Variants in RILPL1 observed in about 807,000 individuals in gnomAD.
RILPL1 encodes RILP-like protein 1.
Under a neutral mutation model 50.3 loss-of-function variants are expected in RILPL1, and 33 were observed. That is an observed-to-expected ratio of 0.66 (90% CI 0.50 to 0.88). RILPL1 has a LOEUF of 0.88. Ranked by LOEUF, RILPL1 falls within the 40% of genes least tolerant of loss-of-function variation. The probability of loss-of-function intolerance (pLI) is 0.00; values close to 1 mark genes in which losing one functional copy is unlikely to be tolerated. For missense variants in RILPL1, 418 were observed against 542.5 expected, an observed-to-expected ratio of 0.77 and a Z score of 2.28; for synonymous variants, 205 against 228.6, an observed-to-expected ratio of 0.90 and a Z score of 0.93.
chr12:123,512,631 G>A (rs1412613186), intron 2 of RILPL1, among the ~76,000 whole-genome samples: 20 of 145,986 alleles, frequency 1.4e-4, no homozygotes, highest in African/African-American at 3.6e-4. Flanking sequence ...TCTGTGTGTC[G>A]TGTGTGAGGT....
intron 6 of RILPL1, among the ~76,000 whole-genome samples, chr12:123,480,158 C>CTTT (rs957649286): frequency 5.1e-5 from 6 of 117,026 alleles, no homozygotes; most frequent in Admixed American, 8.8e-5. Context: ...AAGGCTGATT[C>CTTT]TTTTTTTTTT....
rs1883162027 is a variant in RILPL1 at position 123,498,337 on chromosome 12, TCC to T, written c.801+205_801+206del. Among the ~76,000 whole-genome samples, 1 of 116,200 alleles carries T rather than the reference TCC, an allele frequency of 8.6e-6. No individual in the cohort carries two copies. The highest frequency in any genetic ancestry group is 4.2e-5 in the African/African-American group (1 of 24,008). The allele number at this position is 116,200 out of a possible 152,430, so 76.2% of individuals were successfully genotyped here. On this transcript the variant is annotated intron_variant, in intron 4 of 6. Coordinates refer to ENST00000376874, the MANE Select transcript of RILPL1 (RefSeq NM_178314.5). The surrounding 1 kb of genome is among the most constrained non-coding windows in gnomAD (Gnocchi z 4.3). The stretch of plus-strand genomic sequence containing the variant: ...CTCAAGTGATCCTCCTGCCTAAGCC[TCC>T]CAGGCAGGCAGCTGGTACTACAGGT...
Position 123,498,197 on chromosome 12 carries a change from C to T in RILPL1, c.801+347G>A, listed in dbSNP as rs1883150740. On this transcript the variant is annotated intron_variant, in intron 4 of 6. Coordinates refer to ENST00000376874, the MANE Select transcript of RILPL1 (RefSeq NM_178314.5). The surrounding 1 kb of genome is among the most constrained non-coding windows in gnomAD (Gnocchi z 4.3). The stretch of plus-strand genomic sequence containing the variant: ...GGCCAGTAGCTTGTTCTCTCTGAGC[C>T]TCTCGTTTTTTCTCTCTCTCTCTCT... Among the ~76,000 whole-genome samples, 1 of 151,822 alleles carries T rather than the reference C, an allele frequency of 6.6e-6. No homozygotes were observed. Among genetic ancestry groups the T allele is most frequent in the Admixed American group, 6.6e-5 (1 of 15,196 alleles).
chr12:123,522,441 C>T lies in RILPL1; in HGVS notation c.460+1054G>A, dbSNP rs970971289. Reference sequence around the variant, plus strand: ...GCCATTCAGGTCTGGGATGCCATCCCGGGCTGCTCACTGGTAAGCGTTTGC... The same window carrying T: ...GCCATTCAGGTCTGGGATGCCATCCTGGGCTGCTCACTGGTAAGCGTTTGC... On this transcript the variant is annotated intron_variant, in intron 2 of 6. Transcript: ENST00000376874. The surrounding 1 kb of genome is among the most constrained non-coding windows in gnomAD (Gnocchi z 4.0). 1.3e-5 allele frequency among the ~76,000 whole-genome samples: 2 copies of T among 152,174 alleles called. No homozygotes were observed. Among genetic ancestry groups the T allele is most frequent in the East Asian group, 1.9e-4 (1 of 5,198 alleles).
rs1566127573 is a variant in RILPL1, at chr12:123,501,471, A to AAACAAAC, written c.461-1936_461-1935insGTTTGTT. 4.2e-4 allele frequency among the ~76,000 whole-genome samples: 56 copies of AAACAAAC among 133,116 alleles called. 1 individual carries two copies. The highest frequency in any genetic ancestry group is 1.8e-3 in the African/African-American group (56 of 30,688). 87.3% of individuals were successfully genotyped at this position (133,116 alleles called of 152,430 possible). ...ACAAACAAACAAACAAACAAACAAA[A>AAACAAAC]AACCTCAGGCTGGGTGCCGGTGGCT... On this transcript the variant is annotated intron_variant, in intron 2 of 6. Coordinates refer to ENST00000376874, the MANE Select transcript of RILPL1 (RefSeq NM_178314.5).
chr12:123,488,464 G>A (rs958510289), intron 4 of RILPL1, among the ~76,000 whole-genome samples: 1 of 141,844 alleles, frequency 7.1e-6, no homozygotes, highest in Non-Finnish European at 1.5e-5. Context: ...AAAAAAAAAA[G>A]AAGAAGAAGA....
chr12:123,498,226 T>TC lies in RILPL1; in HGVS notation c.801+317_801+318insG, dbSNP rs200486047. On this transcript the variant is annotated intron_variant, in intron 4 of 6. Coordinates refer to ENST00000376874, the MANE Select transcript of RILPL1 (RefSeq NM_178314.5). This position sits in a 1 kb window ranked among gnomAD's most constrained non-coding sequence, Gnocchi z 4.3. ...CGTTTTTTCTCTCTCTCTCTCTCTC[T>TC]TTTTTTTTTAGACAGGTCTGGCTCT... is the stretch of plus-strand genomic sequence containing the variant. 1.4e-5 allele frequency among the ~76,000 whole-genome samples: 2 copies of TC among 147,880 alleles called. No homozygotes were observed. The highest frequency in any genetic ancestry group is 3.0e-5 in the Non-Finnish European group (2 of 66,624).
intron 4 of RILPL1, among the ~76,000 whole-genome samples, chr12:123,492,381 G>A (rs11497310): frequency 0.13 from 19,514 of 152,160 alleles, 1,500 homozygotes; most frequent in Non-Finnish European, 0.17. Context: ...TCCCGAACAG[G>A]TAAATACACA....
At chr12:123,482,352 C>G (rs1882053237) in intron 6 of RILPL1, among the ~76,000 whole-genome samples, 1 of 152,172 alleles carries the variant, frequency 6.6e-6, no homozygotes, top group African/African-American at 2.4e-5. Flanking sequence ...CCCAGTGCAT[C>G]AGGGACCTGG....
intron 2 of RILPL1, among the ~76,000 whole-genome samples, chr12:123,518,950 G>A (rs1235690802): frequency 1.3e-5 from 2 of 151,046 alleles, no homozygotes; most frequent in Admixed American, 6.6e-5. Flanking sequence ...CAGGCTACTC[G>A]GGAGGCTGAG....
chr12:123,531,987 CG>C (rs1329108954), intron 1 of RILPL1, among the ~76,000 whole-genome samples: 1 of 152,178 alleles, frequency 6.6e-6, no homozygotes, highest in Non-Finnish European at 1.5e-5. Context: ...CCCATGAGGA[CG>C]AGCACAGTCA....
At chr12:123,517,421 ATTGT>A (rs1303147241) in intron 2 of RILPL1, among the ~76,000 whole-genome samples, 2 of 123,886 alleles carry the variant, frequency 1.6e-5, no homozygotes, top group African/African-American at 3.2e-5. Context: ...TTTTGTTGTT[ATTGT>A]TTTTTTTTTT....
chr12:123,525,400 T>TTTA (rs71088926), intron 1 of RILPL1, among the ~76,000 whole-genome samples: 99 of 149,436 alleles, frequency 6.6e-4, no homozygotes, highest in Non-Finnish European at 1.1e-3. Flanking sequence ...TTTTTTTTTT[T>TTTA]AGAGATGGGG....
At position 123,485,296 on chromosome 12, in the gene RILPL1, C is replaced by A; in HGVS notation, c.974+337G>T. ...AAAGGGCCACATAGACCATTAACAC[C>A]GGGGCCGGGTTTCATTCATTCATTC... On this transcript the variant is annotated intron_variant, in intron 5 of 6. Coordinates refer to ENST00000376874, the MANE Select transcript of RILPL1 (RefSeq NM_178314.5). This position sits in a 1 kb window ranked among gnomAD's most constrained non-coding sequence, Gnocchi z 4.0. The A allele has an allele frequency of 2.2e-6, 1 of 458,660 alleles. No homozygotes were observed. The highest frequency in any genetic ancestry group is 4.4e-6 in the Non-Finnish European group (1 of 229,512). 28.4% of individuals were successfully genotyped at this position (458,660 alleles called of 1,614,324 possible). A position where few individuals can be genotyped will look rare whatever the true frequency, so the allele number is the denominator to read the frequency against.
At chr12:123,503,449 C>T (rs188797590) in intron 2 of RILPL1, among the ~76,000 whole-genome samples, 7 of 151,982 alleles carry the variant, frequency 4.6e-5, no homozygotes, top group Admixed American at 2.0e-4. Flanking sequence ...GATCCACTCG[C>T]CTCAGCCTCC....
At chr12:123,515,038 C>T (rs568197619) in intron 2 of RILPL1, among the ~76,000 whole-genome samples, 173 of 151,674 alleles carry the variant, frequency 1.1e-3, no homozygotes, top group Admixed American at 1.6e-3. Context: ...TCAAAAGATT[C>T]TCCCACCTCA....
At chr12:123,476,559 C>CA (rs1373984887) in intron 6 of RILPL1, among the ~76,000 whole-genome samples, 1 of 151,914 alleles carries the variant, frequency 6.6e-6, no homozygotes, top group African/African-American at 2.4e-5. Context: ...AAAAGGGGGA[C>CA]ATCTGGACAG....
chr12:123,530,761 C>G (rs927397405), intron 1 of RILPL1, among the ~76,000 whole-genome samples: 1 of 152,320 alleles, frequency 6.6e-6, no homozygotes, highest in East Asian at 1.9e-4. Flanking sequence ...TGCTGCCTGA[C>G]ATGAGACTTT....
chr12:123,526,685 A>G (rs1026355433), intron 1 of RILPL1, among the ~76,000 whole-genome samples: 7 of 152,208 alleles, frequency 4.6e-5, no homozygotes, highest in East Asian at 1.9e-4. Flanking sequence ...CTTTGTCAGA[A>G]GCCTGCTGCA....
Sources: gnomAD v4.1 joint callset for allele counts (sites outside exome capture counted in the v4.1 genomes callset) on GRCh38, gnomAD v4.1.1 for gene constraint, Gnocchi (gnomAD v3.1) non-coding constraint, MANE v1.5 for transcripts, NCBI Gene and HGNC (gene_info 2026-07-23, HGNC 2026-07-21) for gene names.